DMD: variants seen among roughly 807,000 people sequenced by gnomAD.
The protein encoded by DMD is mutant dystrophin.
In DMD, 63 loss-of-function variants were observed where a neutral mutation model predicts 330.1. That is an observed-to-expected ratio of 0.19 (90% CI 0.16 to 0.24). DMD has a LOEUF of 0.24. DMD is among the 10% of genes least tolerant of loss of function. The pLI is 1.00. For missense variants in DMD, 3,344 were observed against 2,684.1 expected (o/e 1.25, Z -5.43); for synonymous variants, 1,223 against 959.8 (o/e 1.27, Z -5.07).
At chrX:33,044,010 G>A (rs1172436334) in intron 1 of DMD, among the ~76,000 whole-genome samples, 1 of 111,713 alleles carries the variant, frequency 9.0e-6, no homozygotes, top group Non-Finnish European at 1.9e-5. Flanking sequence ...TCTGCAAAAC[G>A]AAAGGAGCTT....
chrX:31,885,737 A>G (rs1222766098), intron 47 of DMD, among the ~76,000 whole-genome samples: 1 of 110,930 alleles, frequency 9.0e-6, no homozygotes, highest in Non-Finnish European at 1.9e-5. Flanking sequence ...ACTTAGTATC[A>G]TTAAAGCAAT....
chrX:32,410,778 T>C (rs977301916), intron 30 of DMD, among the ~76,000 whole-genome samples: 1 of 112,329 alleles, frequency 8.9e-6, no homozygotes, highest in Non-Finnish European at 1.9e-5. Flanking sequence ...AATTAAAAAA[T>C]GAGAACAGCA....
chrX:31,915,653 G>T (rs2094600429), intron 47 of DMD, among the ~76,000 whole-genome samples: 1 of 111,603 alleles, frequency 9.0e-6, no homozygotes, highest in South Asian at 3.8e-4. Flanking sequence ...ATAAACCAAG[G>T]TACTGTTTCT....
chrX:32,553,859 A>G (rs186546524), intron 16 of DMD, among the ~76,000 whole-genome samples: 1 of 111,683 alleles, frequency 9.0e-6, no homozygotes, highest in East Asian at 2.9e-4. Context: ...TCCTGATAAG[A>G]GTTCTCATGA....
chrX:32,807,170 GT>G (rs35532926), intron 7 of DMD, among the ~76,000 whole-genome samples: 10 of 91,480 alleles, frequency 1.1e-4, no homozygotes, highest in African/African-American at 2.6e-4. Context: ...TCCAGGAGGT[GT>G]TTTTTTTTGA....
intron 44 of DMD, among the ~76,000 whole-genome samples, chrX:32,121,620 CATATATATATATATAT>C (rs10535803): frequency 0.015 from 539 of 36,423 alleles, 22 homozygotes; most frequent in African/African-American, 0.028. Flanking sequence ...AATATGTGTG[CATATATATATATATAT>C]ATATATATAT....
At chrX:31,246,664 A>G (rs1226113213) in intron 63 of DMD, among the ~76,000 whole-genome samples, 2 of 112,292 alleles carry the variant, frequency 1.8e-5, no homozygotes, top group Non-Finnish European at 3.8e-5. Flanking sequence ...ACAGTGGCTC[A>G]TGCCTGTAAT....
intron 44 of DMD, among the ~76,000 whole-genome samples, chrX:31,971,092 G>A (rs902559381): frequency 1.8e-5 from 2 of 111,740 alleles, no homozygotes; most frequent in Non-Finnish European, 3.8e-5. Context: ...CATTAGGTCC[G>A]TGGAGGCACC....
intron 17 of DMD, among the ~76,000 whole-genome samples, chrX:32,533,372 C>A (rs1403112792): frequency 9.0e-6 from 1 of 111,723 alleles, no homozygotes; most frequent in African/African-American, 3.3e-5. Flanking sequence ...TGGAGGCAAA[C>A]AAGAATACTT....
Position 31,126,184 on chromosome X carries a change from C to T in DMD, c.11046+458G>A, listed in dbSNP as rs997094792. Among the ~76,000 whole-genome samples the T allele has an allele frequency of 7.2e-5, 8 of 111,289 alleles. No homozygotes were observed. The Admixed American group carries it at 7.6e-4, about 11-fold the overall frequency. The stretch of plus-strand genomic sequence containing the variant: ...AATGGGAGAGAAAGAGCGTAGGAAC[C>T]AAGAAAAAAGGAAACAAAAGCAAAA... On this transcript the variant is annotated intron_variant, in intron 78 of 78. Transcript: ENST00000357033.
intron 2 of DMD, among the ~76,000 whole-genome samples, chrX:32,952,107 T>A (rs1335184874): frequency 9.1e-6 from 1 of 110,294 alleles, no homozygotes; most frequent in Non-Finnish European, 1.9e-5. Context: ...CATGTATGAA[T>A]GCCAGCATTT....
intron 55 of DMD, among the ~76,000 whole-genome samples, chrX:31,522,363 C>CTCTCTCTCTCTCTCTCTCTCTATATATA: frequency 5.6e-5 from 2 of 35,962 alleles, no homozygotes; most frequent in African/African-American, 1.9e-4. Context: ...CTCTCTCTCT[C>CTCTCTCTCTCTCTCTCTCTCTATATATA]TATATATATA....
intron 2 of DMD, 51 bp downstream of exon 2, chrX:33,020,088 T>A: frequency 9.7e-7 from 1 of 1,030,175 alleles, no homozygotes; most frequent in Non-Finnish European, 1.3e-6. Context: ...TAGTCCATTT[T>A]GAAAATTTCA....
At chrX:31,891,794 G>A (rs2094255828) in intron 47 of DMD, among the ~76,000 whole-genome samples, 1 of 111,757 alleles carries the variant, frequency 8.9e-6, no homozygotes, top group South Asian at 3.7e-4. Context: ...TGTTCAAGGA[G>A]TTGTGGCCCA....
At chrX:31,233,058 T>G (rs145139749) in intron 63 of DMD, among the ~76,000 whole-genome samples, 2,858 of 112,016 alleles carry the variant, frequency 0.026, 44 homozygotes, top group Middle Eastern at 0.042. Flanking sequence ...ATATTCTTCA[T>G]GCTGCAGTTA....
intron 43 of DMD, among the ~76,000 whole-genome samples, chrX:32,253,917 T>C (rs1323405703): frequency 8.9e-6 from 1 of 112,009 alleles, no homozygotes; most frequent in East Asian, 2.8e-4. Context: ...CCACCACGCC[T>C]GGTCAATTGA....
At chrX:32,199,098 G>A (rs2097020377) in intron 44 of DMD, among the ~76,000 whole-genome samples, 1 of 112,081 alleles carries the variant, frequency 8.9e-6, no homozygotes, top group African/African-American at 3.2e-5. Flanking sequence ...GGCAAGTCAG[G>A]ACAGTGAGAG....
intron 74 of DMD, among the ~76,000 whole-genome samples, chrX:31,154,319 G>A (rs1425647136): frequency 3.7e-5 from 4 of 108,761 alleles, no homozygotes; most frequent in Admixed American, 9.8e-5. Flanking sequence ...TTTTTGAGAC[G>A]GAATCTCGCT....
At chrX:32,813,241 A>G (rs1323543780) in intron 6 of DMD, among the ~76,000 whole-genome samples, 1 of 112,226 alleles carries the variant, frequency 8.9e-6, no homozygotes, top group East Asian at 2.8e-4. Flanking sequence ...AACATTTTAA[A>G]TATCTATGAC....
Sources: gnomAD v4.1 joint callset for allele counts (sites outside exome capture counted in the v4.1 genomes callset) on GRCh38, gnomAD v4.1.1 for gene constraint, MANE v1.5 for transcripts, NCBI Gene and HGNC (gene_info 2026-07-23, HGNC 2026-07-21) for gene names.